The following PKHD1L1 variants were observed in gnomAD, a reference collection of about 807,000 sequenced individuals.
PKHD1L1 encodes fibrocystin-L.
PKHD1L1 carries 434 observed loss-of-function variants against 462.9 expected under a neutral mutation model. The ratio of observed to expected loss-of-function variants is 0.94; its 90% CI spans 0.87 to 1.02. The LOEUF (loss-of-function observed/expected upper bound fraction) is 1.02. Among genes scored for constraint, PKHD1L1 ranks in the 50% least tolerant of loss-of-function variants. PKHD1L1 has a pLI of 0.00. For missense variants in PKHD1L1, 5,202 were observed against 5,096.1 expected (o/e 1.02, Z -0.63); for synonymous variants, 1,781 against 1,750.0 (o/e 1.02, Z -0.44).
chr8:109,432,137 T>C (rs1051856905), intron 27 of PKHD1L1, among the ~76,000 whole-genome samples: 11 of 152,216 alleles, frequency 7.2e-5, no homozygotes, highest in Non-Finnish European at 1.3e-4. Flanking sequence ...CCCTTTTTTA[T>C]TGAATTGTCT....
chr8:109,448,454 TTA>T, intron 39 of PKHD1L1, 63 bp downstream of exon 39: 1 of 1,440,786 alleles, frequency 6.9e-7, no homozygotes, highest in Non-Finnish European at 9.2e-7. Context: ...TTTAGAAACC[TTA>T]TTTAGAAAAT....
chr8:109,476,499 C>G lies in PKHD1L1; in HGVS notation c.8758-9C>G. ...CATACAAGTCACATTTTTCTATAAACTTTTATAGGAAGAAGACTATGTAAT... is the reference window on the plus strand; with the variant it reads ...CATACAAGTCACATTTTTCTATAAAGTTTTATAGGAAGAAGACTATGTAAT... On this transcript the variant is annotated splice_polypyrimidine_tract_variant and intron_variant, in intron 51 of 77. Coordinates refer to ENST00000378402, the MANE Select transcript of PKHD1L1 (RefSeq NM_177531.6). 1.4e-6 allele frequency: 2 copies of G among 1,415,042 alleles called. No individual in the cohort carries two copies. The highest frequency in any genetic ancestry group is 1.9e-6 in the Non-Finnish European group (2 of 1,047,932). The allele number at this position is 1,415,042 out of a possible 1,614,324, so 87.7% of individuals were successfully genotyped here. A position where few individuals can be genotyped will look rare whatever the true frequency, so the allele number is the denominator to read the frequency against.
At chr8:109,529,833 A>C (rs1820986080) in intron 77 of PKHD1L1, among the ~76,000 whole-genome samples, 1 of 152,108 alleles carries the variant, frequency 6.6e-6, no homozygotes. Context: ...TAAATAAAAG[A>C]CCTTATATTT....
chr8:109,459,033 A>G (rs1350270781), intron 46 of PKHD1L1, among the ~76,000 whole-genome samples: 1 of 152,096 alleles, frequency 6.6e-6, no homozygotes, highest in African/African-American at 2.4e-5. Flanking sequence ...CTAAGCTTCA[A>G]CTCAATCATT....
In PKHD1L1 at chr8:109,452,226, A is replaced by C. The variant is rs372160136; in HGVS notation, c.6453A>C (p.Leu2151=). The change falls in exon 42 of 78, where the codon CTA becomes CTC. Residue 2151 remains leucine, a synonymous_variant. Transcript: ENST00000378402. Reference sequence around the variant, plus strand: ...TCTGCATGACAGATGCCCATACTCTATCAGGGTGGGCTCCAGTTTGTGTCC... The same window carrying C: ...TCTGCATGACAGATGCCCATACTCTCTCAGGGTGGGCTCCAGTTTGTGTCC... ...HIICMTDAHT[L]SGWAPVCVHI... is the part of the protein sequence containing the mutation. 2.0e-5 allele frequency: 33 copies of C among 1,612,178 alleles called. No homozygotes were observed. Among genetic ancestry groups the C allele is most frequent in the Admixed American group, 5.0e-5 (3 of 59,794 alleles).
At chr8:109,456,928 T>C (rs1816858063) in intron 46 of PKHD1L1, among the ~76,000 whole-genome samples, 1 of 152,144 alleles carries the variant, frequency 6.6e-6, no homozygotes, top group South Asian at 2.1e-4. Context: ...AAGTGATGAT[T>C]CACATAACCT....
At position 109,480,029 on chromosome 8, in the gene PKHD1L1, G is replaced by C. The variant is rs1563591654; in HGVS notation, c.9217G>C (p.Glu3073Gln). The C allele has an allele frequency of 6.3e-7, 1 of 1,594,588 alleles. No homozygotes were observed. The highest frequency in any genetic ancestry group is 2.2e-5 in the East Asian group (1 of 44,474). The change falls in exon 55 of 78, where the codon GAA becomes CAA. Residue 3073 changes from glutamate (E) to glutamine (Q), a missense_variant. By Grantham distance (29) the Glu-to-Gln change is conservative. Coordinates refer to ENST00000378402, the MANE Select transcript of PKHD1L1 (RefSeq NM_177531.6). ...IVADIDMPSM[E>Q]RLIIWGVLEL... ...AGCTGACATAGATATGCCATCAATG[G>C]AAAGACTCATTATTTGGGGGGTTCT...
intron 45 of PKHD1L1, 109 bp from the exon 46 acceptor site, chr8:109,456,153 T>C (rs1471134271): frequency 8.7e-7 from 1 of 1,153,556 alleles, no homozygotes; most frequent in Non-Finnish European, 1.2e-6. Flanking sequence ...TAAGGTAAAA[T>C]GAGCCTCTCC....
chr8:109,464,174 T>C lies in PKHD1L1; in HGVS notation c.7384-42T>C. The stretch of plus-strand genomic sequence containing the variant: ...GAAACAAGAAAATATGAGCTCAACA[T>C]CTGAGCTATTACTAAATAACTGTGA... On this transcript the variant is annotated intron_variant, in intron 48 of 77. Transcript: ENST00000378402. 3 of 1,374,012 alleles carry C rather than the reference T, an allele frequency of 2.2e-6. No individual in the cohort carries two copies. In the South Asian group the frequency reaches 6.0e-5, roughly 27 times the overall value. 85.1% of individuals were successfully genotyped at this position (1,374,012 alleles called of 1,614,324 possible).
intron 28 of PKHD1L1, among the ~76,000 whole-genome samples, chr8:109,433,727 G>A (rs1005264694): frequency 2.0e-5 from 3 of 152,048 alleles, no homozygotes; most frequent in Non-Finnish European, 4.4e-5. Flanking sequence ...CCTAAAAGTT[G>A]TCTTTCATAA....
chr8:109,443,167 T>C, intron 36 of PKHD1L1, 51 bp downstream of exon 36: 3 of 1,560,254 alleles, frequency 1.9e-6, no homozygotes, highest in Non-Finnish European at 2.6e-6. Flanking sequence ...CCAGGGTGTA[T>C]GTGATATTTC....
intron 67 of PKHD1L1, among the ~76,000 whole-genome samples, chr8:109,502,833 C>A (rs1819493270): frequency 6.6e-6 from 1 of 152,202 alleles, no homozygotes; most frequent in Non-Finnish European, 1.5e-5. Context: ...CTTCTTCTAC[C>A]TGAAACTTCA....
At chr8:109,410,810 C>T (rs1396694922) in intron 19 of PKHD1L1, among the ~76,000 whole-genome samples, 1 of 142,826 alleles carries the variant, frequency 7.0e-6, no homozygotes, top group Non-Finnish European at 1.5e-5. Flanking sequence ...CTCACTGCAA[C>T]CTCCACCTCC....
intron 47 of PKHD1L1, 42 bp downstream of exon 47, chr8:109,459,878 T>C (rs1287256578): frequency 1.3e-6 from 2 of 1,538,568 alleles, no homozygotes; most frequent in Non-Finnish European, 8.7e-7. Flanking sequence ...TCATGCCATA[T>C]AGTTTTACAA....
intron 45 of PKHD1L1, among the ~76,000 whole-genome samples, chr8:109,455,585 G>A (rs555907665): frequency 5.9e-5 from 9 of 152,176 alleles, no homozygotes; most frequent in Admixed American, 5.9e-4. Context: ...TCTTAAATTT[G>A]TATCTGAAAA....
intron 2 of PKHD1L1, among the ~76,000 whole-genome samples, chr8:109,370,451 C>A (rs1482447905): frequency 6.6e-6 from 1 of 151,648 alleles, no homozygotes; most frequent in Non-Finnish European, 1.5e-5. Flanking sequence ...AATGATGAAC[C>A]TAAATCTCAG....
At chr8:109,388,691 A>G (rs1812557151) in intron 7 of PKHD1L1, 141 bp downstream of exon 7, 1 of 650,266 alleles carries the variant, frequency 1.5e-6, no homozygotes, top group Non-Finnish European at 2.6e-6. Context: ...ATAGCGCATT[A>G]GCAATCATTT....
intron 17 of PKHD1L1, among the ~76,000 whole-genome samples, chr8:109,407,241 A>G (rs1813605975): frequency 6.6e-6 from 1 of 152,150 alleles, no homozygotes; most frequent in Non-Finnish European, 1.5e-5. Flanking sequence ...GTAATTGTTT[A>G]TTTGATTGTT....
At chr8:109,364,415 G>T (rs6469255) in intron 1 of PKHD1L1, 132 bp from the exon 2 acceptor site, 150,224 of 699,806 alleles carry the variant, frequency 0.21, 18,319 homozygotes, top group African/African-American at 0.39. Context: ...TAAAACCTGG[G>T]TGAATTTTAC....
Sources: gnomAD v4.1 joint callset for allele counts (sites outside exome capture counted in the v4.1 genomes callset) on GRCh38, gnomAD v4.1.1 for gene constraint, MANE v1.5 for transcripts, NCBI Gene and HGNC (gene_info 2026-07-23, HGNC 2026-07-21) for gene names.